PRTG: variants seen among roughly 807,000 people sequenced by gnomAD.
The protein encoded by PRTG is immunoglobulin superfamily, DCC subclass, member 5.
A neutral mutation model predicts 122.5 loss-of-function variants in PRTG; 67 were observed. That is an observed-to-expected ratio of 0.55 (90% CI 0.45 to 0.67). The LOEUF is 0.67. Among genes scored for constraint, PRTG ranks in the 30% least tolerant of loss-of-function variants. The pLI is 0.00. For missense variants in PRTG, 1,435 were observed against 1,415.4 expected (o/e 1.01, Z -0.22); for synonymous variants, 554 against 501.1 (o/e 1.11, Z -1.41).
At chr15:55,728,177 T>C (rs1487356597) in intron 2 of PRTG, among the ~76,000 whole-genome samples, 1 of 152,108 alleles carries the variant, frequency 6.6e-6, no homozygotes, top group South Asian at 2.1e-4. Flanking sequence ...CCACAAAAAA[T>C]GTAAAAAAGA....
intron 11 of PRTG, among the ~76,000 whole-genome samples, chr15:55,666,886 G>A (rs993619177): frequency 2.0e-5 from 3 of 152,088 alleles, no homozygotes; most frequent in Non-Finnish European, 2.9e-5. Flanking sequence ...TAAAAGATTA[G>A]GTGAACAGCT....
chr15:55,659,694 G>A (rs2059398855), intron 11 of PRTG, among the ~76,000 whole-genome samples: 1 of 152,150 alleles, frequency 6.6e-6, no homozygotes, highest in African/African-American at 2.4e-5. Context: ...GGGAGGCCGA[G>A]GCGGACGGAC....
intron 11 of PRTG, among the ~76,000 whole-genome samples, chr15:55,662,175 A>G (rs1249897540): frequency 6.6e-6 from 1 of 152,196 alleles, no homozygotes. Context: ...TCTTTCTCCA[A>G]AATGATTTAA....
intron 2 of PRTG, among the ~76,000 whole-genome samples, chr15:55,708,177 A>AAAAAAAAAAAAG (rs2030223357): frequency 6.8e-6 from 1 of 147,142 alleles, no homozygotes; most frequent in Non-Finnish European, 1.5e-5. Context: ...AAAAAAAAAA[A>AAAAAAAAAAAAG]CAGAGGCAGA....
At chr15:55,682,668 G>A (rs950462001) in intron 3 of PRTG, among the ~76,000 whole-genome samples, 171 bp from the exon 4 acceptor site, 7 of 151,742 alleles carry the variant, frequency 4.6e-5, no homozygotes, top group African/African-American at 1.5e-4. Context: ...GGGTTCAAGC[G>A]ATTCTCCCGC....
chr15:55,673,711 T>C (rs367970154), intron 9 of PRTG, 35 bp from the exon 10 acceptor site: 85 of 1,558,900 alleles, frequency 5.5e-5, no homozygotes, highest in Non-Finnish European at 7.0e-5. Context: ...TTTATAAATA[T>C]TTAGAATCGA....
chr15:55,683,872 G>A lies in PRTG; in HGVS notation c.457C>T (p.Arg153Ter), dbSNP rs747672950. 20 of 1,613,676 alleles carry A rather than the reference G, an allele frequency of 1.2e-5. No homozygotes were observed. The highest frequency in any genetic ancestry group is 1.5e-5 in the Non-Finnish European group (18 of 1,179,762). Residue 153 changes from arginine to a stop codon, truncating the protein, a stop_gained, in exon 3 of 20, where the codon CGA (arginine) becomes TGA (stop). Coordinates refer to ENST00000389286, the MANE Select transcript of PRTG (RefSeq NM_173814.6). LOFTEE classifies it high-confidence loss of function. ...STEVHEGGVA[R>*]FACKISSHPP... ...TGGGATGAAATCTTGCATGCAAATC[G>A]AGCAACTCCACCTTCGTGGACCTCA...
At chr15:55,663,661 C>T (rs1287047925) in intron 11 of PRTG, among the ~76,000 whole-genome samples, 2 of 151,956 alleles carry the variant, frequency 1.3e-5, no homozygotes, top group Non-Finnish European at 2.9e-5. Context: ...CCCGCCTCAG[C>T]CTCCGAAGCA....
chr15:55,633,223 G>A (rs999348129), intron 15 of PRTG, among the ~76,000 whole-genome samples: 17 of 152,072 alleles, frequency 1.1e-4, no homozygotes, highest in East Asian at 1.9e-4. Flanking sequence ...TGCATATGAG[G>A]AGGGTAAAGG....
chr15:55,712,763 T>C (rs1344873081), intron 2 of PRTG, among the ~76,000 whole-genome samples: 2 of 152,170 alleles, frequency 1.3e-5, no homozygotes, highest in African/African-American at 4.8e-5. Context: ...TTTTCAAGAT[T>C]TGGGAGAAAA....
chr15:55,728,337 A>G (rs1231676190), intron 2 of PRTG, among the ~76,000 whole-genome samples: 1 of 152,218 alleles, frequency 6.6e-6, no homozygotes, highest in Non-Finnish European at 1.5e-5. Context: ...ATTATCTTCT[A>G]TGAATATGGA....
chr15:55,687,288 C>T (rs2059575728), intron 2 of PRTG, among the ~76,000 whole-genome samples: 1 of 152,068 alleles, frequency 6.6e-6, no homozygotes, highest in African/African-American at 2.4e-5. Context: ...ATTTTACTGG[C>T]ATTTTTTTTA....
intron 2 of PRTG, among the ~76,000 whole-genome samples, chr15:55,714,831 G>A (rs927050142): frequency 2.0e-5 from 3 of 152,050 alleles, no homozygotes; most frequent in African/African-American, 4.8e-5. Flanking sequence ...ATTAAAATTT[G>A]AGAACAATCC....
At chr15:55,633,305 G>A (rs992076117) in intron 15 of PRTG, among the ~76,000 whole-genome samples, 2 of 152,042 alleles carry the variant, frequency 1.3e-5, no homozygotes, top group African/African-American at 4.8e-5. Flanking sequence ...TGTCTCCTGA[G>A]TTCAAGCGAT....
rs1461172247 is a variant in PRTG at position 55,613,655 on chromosome 15, T to C, written c.*6357A>G. On this transcript the variant is annotated 3_prime_UTR_variant, in exon 20 of 20. Coordinates refer to ENST00000389286, the MANE Select transcript of PRTG (RefSeq NM_173814.6). ...TCTTTTTCGATTGGTTATTACTCTG[T>C]AGAAAGGTTGTTCTGACACAACCTG... The C allele has an allele frequency of 6.6e-6, 1 of 151,964 alleles. No homozygotes were observed. The highest frequency in any genetic ancestry group is 1.5e-5 in the Non-Finnish European group (1 of 67,930). The allele number at this position is 151,964 out of a possible 1,614,324, so 9.4% of individuals were successfully genotyped here.
At chr15:55,643,721 G>A (rs1389601496) in intron 11 of PRTG, among the ~76,000 whole-genome samples, 4 of 152,070 alleles carry the variant, frequency 2.6e-5, no homozygotes, top group African/African-American at 9.7e-5. Flanking sequence ...ACTGCAGCAG[G>A]CCTTCAAAGG....
chr15:55,641,453 C>A (rs889455741), intron 11 of PRTG, among the ~76,000 whole-genome samples: 1 of 152,186 alleles, frequency 6.6e-6, no homozygotes, highest in African/African-American at 2.4e-5. Flanking sequence ...ACTACCACAA[C>A]CACTTCTTCT....
rs1409583839 is a variant in PRTG, at chr15:55,617,873, C to G, written c.*2139G>C. The G allele has an allele frequency of 6.6e-6, 1 of 152,148 alleles. No homozygotes were observed. The highest frequency in any genetic ancestry group is 1.5e-5 in the Non-Finnish European group (1 of 68,022). The allele number at this position is 152,148 out of a possible 1,614,324, so 9.4% of individuals were successfully genotyped here. ...ATCTCACTGTACTTAATTTTAGATA[C>G]TGATAAAAGTTGGCCCTATATACTT... On this transcript the variant is annotated 3_prime_UTR_variant, in exon 20 of 20. Transcript: ENST00000389286.
chr15:55,694,893 T>C (rs969585796), intron 2 of PRTG, among the ~76,000 whole-genome samples: 1 of 152,186 alleles, frequency 6.6e-6, no homozygotes, highest in Non-Finnish European at 1.5e-5. Context: ...CTGACCTCTC[T>C]CTTCCCTCCA....
Sources: gnomAD v4.1 joint callset for allele counts (sites outside exome capture counted in the v4.1 genomes callset) on GRCh38, gnomAD v4.1.1 for gene constraint, MANE v1.5 for transcripts, NCBI Gene and HGNC (gene_info 2026-07-23, HGNC 2026-07-21) for gene names.